LRRC37A2: variants seen among roughly 807,000 people sequenced by gnomAD.
LRRC37A2 encodes the protein leucine rich repeat containing 37 member A2.
In LRRC37A2, 9 loss-of-function variants were observed where a neutral mutation model predicts 68.8. That is an observed-to-expected ratio of 0.13 (90% CI 0.08 to 0.23). The LOEUF is 0.23. LRRC37A2 is among the 10% of genes least tolerant of loss of function. The pLI is 1.00. For synonymous variants in LRRC37A2, 63 were observed against 367.6 expected (o/e 0.17, Z 9.48); for missense variants, 168 against 950.4 (o/e 0.18, Z 10.82).
the LRRC37A2 span, chr17:46,755,852 C>A: frequency 6.2e-7 from 1 of 1,608,174 alleles, no homozygotes; most frequent in Non-Finnish European, 8.5e-7. Context: ...ACACAGTGAC[C>A]AAGGGAAGTG....
At chr17:46,392,420 T>G in the LRRC37A2 span, among the ~76,000 whole-genome samples, 3 of 54,274 alleles carry the variant, frequency 5.5e-5, no homozygotes. Flanking sequence ...TCTCTCTCTC[T>G]CTTTCTTTCT....
the LRRC37A2 span, among the ~76,000 whole-genome samples, chr17:46,823,144 ATATATATTTATATATTATATAT>A: frequency 2.3e-5 from 3 of 128,840 alleles, no homozygotes; most frequent in Non-Finnish European, 3.1e-5. Flanking sequence ...ATATTATATT[ATATATATTTATATATTATATAT>A]TATATATTTA....
the LRRC37A2 span, among the ~76,000 whole-genome samples, chr17:46,810,109 C>G: frequency 8.7e-5 from 13 of 150,276 alleles, no homozygotes; most frequent in African/African-American, 1.7e-4. Flanking sequence ...CAGGTTCAAG[C>G]GATTCTCCTG....
At chr17:46,758,388 C>T in the LRRC37A2 span, among the ~76,000 whole-genome samples, 2 of 152,220 alleles carry the variant, frequency 1.3e-5, no homozygotes, top group African/African-American at 4.8e-5. Context: ...GTTCTTGAAG[C>T]TGCCCAAATA....
At chr17:46,952,449 G>A in the LRRC37A2 span, among the ~76,000 whole-genome samples, 1 of 152,186 alleles carries the variant, frequency 6.6e-6, no homozygotes, top group African/African-American at 2.4e-5. Flanking sequence ...CGCCACTTTT[G>A]TTGATCTAGC....
the LRRC37A2 span, among the ~76,000 whole-genome samples, chr17:46,827,054 G>A: frequency 6.6e-6 from 1 of 152,176 alleles, no homozygotes; most frequent in Non-Finnish European, 1.5e-5. Flanking sequence ...TGGGATTACA[G>A]GCATGAGCCA....
At chr17:46,853,795 G>A in the LRRC37A2 span, among the ~76,000 whole-genome samples, 4 of 152,094 alleles carry the variant, frequency 2.6e-5, no homozygotes, top group Admixed American at 6.6e-5. Context: ...TCATTTCCAC[G>A]ATTCATTTGT....
the LRRC37A2 span, chr17:46,938,809 G>C: frequency 9.9e-6 from 16 of 1,612,238 alleles, no homozygotes; most frequent in Non-Finnish European, 1.3e-5. Context: ...CTGCAAGTGT[G>C]TGTGTGTGTG....
At chr17:46,978,801 C>G in the LRRC37A2 span, 1 of 1,611,404 alleles carries the variant, frequency 6.2e-7, no homozygotes, top group Non-Finnish European at 8.5e-7. Flanking sequence ...GCACGGCGAT[C>G]TGCGCCACCC....
chr17:46,857,474 CAAAA>C, the LRRC37A2 span, among the ~76,000 whole-genome samples: 161 of 94,660 alleles, frequency 1.7e-3, 2 homozygotes, highest in East Asian at 7.3e-3. Context: ...GACTCTGTCT[CAAAA>C]AAAAAAAAAA....
At chr17:46,625,644 A>T in the LRRC37A2 span, among the ~76,000 whole-genome samples, 1 of 56,258 alleles carries the variant, frequency 1.8e-5, no homozygotes, top group African/African-American at 1.0e-4. Context: ...GGGTTACTCA[A>T]AATGTAGTTG....
the LRRC37A2 span, among the ~76,000 whole-genome samples, chr17:47,022,682 C>T: frequency 1.3e-5 from 2 of 152,196 alleles, no homozygotes; most frequent in Non-Finnish European, 2.9e-5. Flanking sequence ...AGGGTAACAT[C>T]TTACAACGTG....
the LRRC37A2 span, among the ~76,000 whole-genome samples, chr17:46,982,426 G>C: frequency 1.9e-4 from 29 of 152,322 alleles, no homozygotes; most frequent in African/African-American, 6.0e-4. Flanking sequence ...AGGCTGACAT[G>C]ATGGCTGACC....
chr17:46,874,925 G>A, the LRRC37A2 span: 7 of 970,154 alleles, frequency 7.2e-6, no homozygotes, highest in Non-Finnish European at 1.2e-5. Flanking sequence ...TTAAGGGGCA[G>A]TTGACAGGGA....
chr17:46,934,437 G>GT, the LRRC37A2 span, among the ~76,000 whole-genome samples: 1 of 152,132 alleles, frequency 6.6e-6, no homozygotes, highest in East Asian at 1.9e-4. Context: ...TGGGAGAATT[G>GT]TTTGAGTCCA....
the LRRC37A2 span, among the ~76,000 whole-genome samples, chr17:46,785,583 C>T: frequency 1.3e-5 from 2 of 152,260 alleles, no homozygotes; most frequent in Non-Finnish European, 2.9e-5. Flanking sequence ...TAGCAACTCC[C>T]TTCTGCCCGC....
chr17:46,888,453 G>C, the LRRC37A2 span, among the ~76,000 whole-genome samples: 1 of 152,178 alleles, frequency 6.6e-6, no homozygotes, highest in Admixed American at 6.5e-5. Flanking sequence ...GGACCCTAAG[G>C]CTGCCACTGA....
At chr17:46,723,632 CTG>C in the LRRC37A2 span, among the ~76,000 whole-genome samples, 3 of 152,182 alleles carry the variant, frequency 2.0e-5, no homozygotes, top group African/African-American at 4.8e-5. Context: ...AGCTTCACCT[CTG>C]TGTTTTATTT....
the LRRC37A2 span, among the ~76,000 whole-genome samples, chr17:46,970,535 C>CAAAA: frequency 5.9e-5 from 3 of 51,188 alleles, no homozygotes; most frequent in African/African-American, 1.4e-4. Context: ...GACTCCATCT[C>CAAAA]AAAAAAAAAA....
Sources: gnomAD v4.1 joint callset for allele counts (sites outside exome capture counted in the v4.1 genomes callset) on GRCh38, gnomAD v4.1.1 for gene constraint, MANE v1.5 for transcripts, NCBI Gene and HGNC (gene_info 2026-07-23, HGNC 2026-07-21) for gene names.